Variants in MMS22L observed in about 807,000 individuals in gnomAD.
The protein encoded by MMS22L is protein MMS22-like.
A neutral mutation model predicts 159.1 loss-of-function variants in MMS22L; 74 were observed. The ratio of observed to expected loss-of-function variants is 0.47; its 90% confidence interval spans 0.39 to 0.56. The LOEUF (loss-of-function observed/expected upper bound fraction) is 0.56. Ranked by LOEUF, MMS22L falls within the 20% of genes least tolerant of loss-of-function variation. The probability of loss-of-function intolerance (pLI) is 0.00; values close to 1 mark genes in which losing one functional copy is unlikely to be tolerated. For missense variants in MMS22L, 1,351 were observed against 1,422.1 expected (o/e 0.95, Z 0.80); for synonymous variants, 517 against 506.9 (o/e 1.02, Z -0.27).
rs142699445 is a variant in MMS22L, at chr6:97,173,315, C to T, written c.2680-93G>A. ...TAATTTTTCTCTCTTTTTCTACATACGCACCCATACCCTTTACATTTAAGC... is the reference window on the plus strand; with the variant it reads ...TAATTTTTCTCTCTTTTTCTACATATGCACCCATACCCTTTACATTTAAGC... On this transcript the variant is annotated intron_variant, in intron 18 of 24. Transcript: ENST00000683635. 227 of 1,133,838 alleles carry T rather than the reference C, an allele frequency of 2.0e-4. 1 individual carries two copies. The African/African-American group carries it at 2.4e-3, about 12-fold the overall frequency. 70.2% of individuals were successfully genotyped at this position (1,133,838 alleles called of 1,614,324 possible).
At chr6:97,215,542 G>A (rs988337827) in intron 14 of MMS22L, among the ~76,000 whole-genome samples, 1 of 152,094 alleles carries the variant, frequency 6.6e-6, no homozygotes, top group Admixed American at 6.5e-5. Context: ...GTCATCCCCT[G>A]CTCACTGAGC....
intron 22 of MMS22L, among the ~76,000 whole-genome samples, chr6:97,155,909 ACT>A (rs935852530): frequency 1.3e-5 from 2 of 152,208 alleles, no homozygotes; most frequent in African/African-American, 4.8e-5. Flanking sequence ...GAATTGCCAC[ACT>A]GTCTTCCACA....
At chr6:97,170,403 T>A (rs1803410917) in intron 19 of MMS22L, among the ~76,000 whole-genome samples, 1 of 152,058 alleles carries the variant, frequency 6.6e-6, no homozygotes, top group Non-Finnish European at 1.5e-5. Flanking sequence ...ATAAAAAGAT[T>A]TTTAAAGTAA....
intron 14 of MMS22L, among the ~76,000 whole-genome samples, chr6:97,197,682 A>T (rs1806684712): frequency 6.6e-6 from 1 of 152,204 alleles, no homozygotes; most frequent in Admixed American, 6.5e-5. Context: ...GAATTCTCAT[A>T]GAAGAAAAAA....
chr6:97,267,658 A>G (rs1256949872), intron 8 of MMS22L: 1 of 305,118 alleles, frequency 3.3e-6, no homozygotes, highest in Non-Finnish European at 5.8e-6. Flanking sequence ...AAAAAAAAAA[A>G]AGAAAAAAAG....
chr6:97,167,945 A>C, intron 20 of MMS22L, 126 bp downstream of exon 20: 1 of 831,818 alleles, frequency 1.2e-6, no homozygotes, highest in Non-Finnish European at 1.8e-6. Flanking sequence ...ATGTTCAATA[A>C]ATGTGCCACA....
At chr6:97,224,298 G>C (rs1172639007) in intron 14 of MMS22L, among the ~76,000 whole-genome samples, 1 of 151,930 alleles carries the variant, frequency 6.6e-6, no homozygotes, top group Admixed American at 6.6e-5. Context: ...CTTCTGAATA[G>C]TGTCCCACAG....
At chr6:97,262,704 A>G (rs1256142493) in intron 9 of MMS22L, among the ~76,000 whole-genome samples, 1 of 151,916 alleles carries the variant, frequency 6.6e-6, no homozygotes, top group African/African-American at 2.4e-5. Context: ...CCCAAATTAC[A>G]GAAAACTGGA....
intron 8 of MMS22L, chr6:97,267,628 A>G (rs1269361588): frequency 4.0e-5 from 10 of 247,528 alleles, no homozygotes; most frequent in Admixed American, 5.6e-5. Context: ...CAAAATAGAA[A>G]AGGCTATTTT....
chr6:97,257,891 A>G (rs9374449), intron 9 of MMS22L, among the ~76,000 whole-genome samples: 54,132 of 152,028 alleles, frequency 0.36, 10,957 homozygotes, highest in East Asian at 0.79. Flanking sequence ...AAAGATCTTA[A>G]CAAACTATGT....
At chr6:97,212,140 G>T (rs1808451130) in intron 14 of MMS22L, among the ~76,000 whole-genome samples, 2 of 152,160 alleles carry the variant, frequency 1.3e-5, no homozygotes, top group African/African-American at 4.8e-5. Flanking sequence ...TCACTACACT[G>T]TGGGGCACTT....
intron 22 of MMS22L, among the ~76,000 whole-genome samples, chr6:97,155,239 G>C (rs528702679): frequency 6.6e-6 from 1 of 152,002 alleles, no homozygotes; most frequent in African/African-American, 2.4e-5. Context: ...TTAATGACTC[G>C]TGTTTGTTTC....
intron 4 of MMS22L, among the ~76,000 whole-genome samples, chr6:97,277,486 AC>A (rs2128099952): frequency 6.6e-6 from 1 of 152,006 alleles, no homozygotes; most frequent in South Asian, 2.1e-4. Flanking sequence ...CAAAAACAAA[AC>A]CTCTGTAACC....
chr6:97,176,116 ATTC>A (rs2128262489), intron 18 of MMS22L, among the ~76,000 whole-genome samples: 1 of 152,308 alleles, frequency 6.6e-6, no homozygotes, highest in Admixed American at 6.5e-5. Context: ...CATTGAAGAT[ATTC>A]TTAAGTGAAA....
intron 9 of MMS22L, 52 bp from the exon 10 acceptor site, chr6:97,254,785 G>T: frequency 7.0e-7 from 1 of 1,423,598 alleles, no homozygotes; most frequent in Non-Finnish European, 9.4e-7. Flanking sequence ...AATAACCTTT[G>T]ATTTCGTGGT....
At chr6:97,242,001 T>C (rs1812129525) in intron 11 of MMS22L, among the ~76,000 whole-genome samples, 1 of 152,180 alleles carries the variant, frequency 6.6e-6, no homozygotes, top group Non-Finnish European at 1.5e-5. Flanking sequence ...TTAAAAATTA[T>C]TGAGACTTGT....
intron 8 of MMS22L, chr6:97,265,459 G>T (rs1222777704): frequency 6.6e-6 from 1 of 151,956 alleles, no homozygotes; most frequent in Admixed American, 6.6e-5. Context: ...TCTTGGATAT[G>T]ACCCCAAAAA....
At chr6:97,189,551 C>CAAAAAAA (rs67620002) in intron 14 of MMS22L, among the ~76,000 whole-genome samples, 16 of 55,226 alleles carry the variant, frequency 2.9e-4, no homozygotes, top group Admixed American at 3.4e-4. Context: ...ACTCTGTCTC[C>CAAAAAAA]AAAAAAAAAA....
chr6:97,246,875 C>A (rs1350804239), intron 10 of MMS22L, among the ~76,000 whole-genome samples, 185 bp from the exon 11 acceptor site: 1 of 152,066 alleles, frequency 6.6e-6, no homozygotes, highest in African/African-American at 2.4e-5. Context: ...AAATGTACAA[C>A]TATTCCAATC....
Sources: gnomAD v4.1 joint callset for allele counts (sites outside exome capture counted in the v4.1 genomes callset) on GRCh38, gnomAD v4.1.1 for gene constraint, MANE v1.5 for transcripts, NCBI Gene and HGNC (gene_info 2026-07-23, HGNC 2026-07-21) for gene names.